Variants in OTOGL observed in about 807,000 individuals in gnomAD.
OTOGL encodes otogelin like.
In OTOGL, 285 loss-of-function variants were observed where a neutral mutation model predicts 318.5. That is an observed-to-expected ratio of 0.89 (90% CI 0.81 to 0.99). OTOGL has a LOEUF of 0.99. OTOGL is among the 50% of genes least tolerant of loss of function. The probability of loss-of-function intolerance (pLI) is 0.00; values close to 1 mark genes in which losing one functional copy is unlikely to be tolerated. For missense variants in OTOGL, 2,899 were observed against 2,845.6 expected (o/e 1.02, Z -0.43); for synonymous variants, 987 against 936.5 (o/e 1.05, Z -0.99).
chr12:80,309,138 C>G (rs903513068), intron 29 of OTOGL, among the ~76,000 whole-genome samples: 4 of 152,154 alleles, frequency 2.6e-5, no homozygotes, highest in Non-Finnish European at 4.4e-5. Context: ...TTAAAAAATT[C>G]ACTAATTTTT....
chr12:80,239,320 T>A lies in OTOGL; in HGVS notation c.946-13T>A. The A allele has an allele frequency of 1.3e-6, 2 of 1,565,584 alleles. No homozygotes were observed. The highest frequency in any genetic ancestry group is 1.7e-6 in the Non-Finnish European group (2 of 1,144,524). On this transcript the variant is annotated splice_polypyrimidine_tract_variant and intron_variant, in intron 10 of 58. Transcript: ENST00000547103. ...GAAACATAGTCTAGTGACTGCCATC[T>A]TTTTTTGCACAGGCAATCTTCTTCA...
intron 26 of OTOGL, among the ~76,000 whole-genome samples, chr12:80,282,017 C>T (rs1296201378): frequency 2.0e-5 from 3 of 151,702 alleles, no homozygotes; most frequent in Non-Finnish European, 4.4e-5. Context: ...TGATGATATG[C>T]TTTGGTAAAC....
chr12:80,278,239 TC>T lies in OTOGL; in HGVS notation c.2754del (p.Ser919GlnfsTer4), dbSNP rs1434684121. ...TGTATTTGGAAAGATTGGGAGTATC[TC>T]TCAGGAGAAGTGATTGCTACACCGT... is the stretch of plus-strand genomic sequence containing the variant. ...CPCIWKDWEY[L>X]SGEVIATPCY... On this transcript the variant is annotated frameshift_variant, in exon 25 of 59. Transcript: ENST00000547103. LOFTEE classifies it high-confidence loss of function. 2 of 1,546,276 alleles carry T rather than the reference TC, an allele frequency of 1.3e-6. No homozygotes were observed. The highest frequency in any genetic ancestry group is 3.9e-5 in the Admixed American group (2 of 50,842).
chr12:80,240,387 A>T (rs566317653), intron 11 of OTOGL, among the ~76,000 whole-genome samples: 1 of 152,266 alleles, frequency 6.6e-6, no homozygotes, highest in South Asian at 2.1e-4. Context: ...CTTTTCAAAA[A>T]CAATGTTTGA....
At chr12:80,239,311 A>T in intron 10 of OTOGL, 22 bp from the exon 11 acceptor site, 1 of 1,516,808 alleles carries the variant, frequency 6.6e-7, no homozygotes, top group Non-Finnish European at 9.1e-7. Context: ...TAGTCTAGTG[A>T]CTGCCATCTT....
chr12:80,359,439 T>C (rs1195536831), intron 52 of OTOGL, among the ~76,000 whole-genome samples: 1 of 152,214 alleles, frequency 6.6e-6, no homozygotes, highest in Non-Finnish European at 1.5e-5. Context: ...TCTTTAACTA[T>C]CTTCATGATA....
chr12:80,248,745 T>C (rs1433177180), intron 11 of OTOGL, among the ~76,000 whole-genome samples: 1 of 148,736 alleles, frequency 6.7e-6, no homozygotes, highest in Non-Finnish European at 1.5e-5. Flanking sequence ...TCCTGGATAA[T>C]ATCCTGCAGA....
chr12:80,126,592 C>T (rs900357023), intron 1 of OTOGL, among the ~76,000 whole-genome samples: 1 of 152,096 alleles, frequency 6.6e-6, no homozygotes, highest in Non-Finnish European at 1.5e-5. Flanking sequence ...TCCTGGGTAT[C>T]CTTGTTAACT....
intron 1 of OTOGL, among the ~76,000 whole-genome samples, chr12:80,114,617 C>T (rs1022173650): frequency 6.6e-6 from 1 of 152,050 alleles, no homozygotes; most frequent in Non-Finnish European, 1.5e-5. Flanking sequence ...CGAGGAGTGT[C>T]TTTGTGGTGT....
intron 9 of OTOGL, among the ~76,000 whole-genome samples, chr12:80,238,544 T>C (rs538323949): frequency 6.6e-6 from 1 of 152,228 alleles, no homozygotes; most frequent in Non-Finnish European, 1.5e-5. Flanking sequence ...TGATTGAACA[T>C]TGGCGATAAA....
At chr12:80,328,993 T>C (rs1322156160) in intron 36 of OTOGL, 58 bp from the exon 37 acceptor site, 3 of 1,440,026 alleles carry the variant, frequency 2.1e-6, no homozygotes, top group Middle Eastern at 1.8e-4. Flanking sequence ...CTATGAAATA[T>C]GTGGGTCTAA....
chr12:80,341,063 T>G (rs374298228), intron 43 of OTOGL, among the ~76,000 whole-genome samples: 60 of 151,952 alleles, frequency 3.9e-4, no homozygotes, highest in Non-Finnish European at 7.4e-4. Flanking sequence ...TTGAAGAAAA[T>G]TTTTATTCAT....
chr12:80,318,703 G>A lies in OTOGL; in HGVS notation c.3792G>A (p.Glu1264=), dbSNP rs754510288. 28 of 1,282,888 alleles carry A rather than the reference G, an allele frequency of 2.2e-5. No homozygotes were observed. Among genetic ancestry groups the A allele is most frequent in the Non-Finnish European group, 5.0e-6 (5 of 999,810 alleles). 79.5% of individuals were successfully genotyped at this position (1,282,888 alleles called of 1,614,324 possible). ...TGATCACTCCAGGCCTTTTCAAAGA[G>A]AAGGTATCATGTAAGTATAATTGAA... ...YFMITPGLFK[E]KVSSLALVSL... is the part of the protein sequence containing the mutation. The change falls in exon 33 of 59, where the codon GAG becomes GAA. Residue 1264 remains glutamate, a synonymous_variant. Transcript: ENST00000547103.
intron 24 of OTOGL, among the ~76,000 whole-genome samples, chr12:80,275,124 A>G (rs903075265): frequency 6.6e-6 from 1 of 152,022 alleles, no homozygotes; most frequent in East Asian, 1.9e-4. Context: ...TCACAGGGCT[A>G]TACCTGCCAT....
intron 19 of OTOGL, among the ~76,000 whole-genome samples, chr12:80,263,382 T>C (rs186262852): frequency 6.6e-6 from 1 of 152,274 alleles, no homozygotes; most frequent in East Asian, 1.9e-4. Flanking sequence ...AGAGTTCAAT[T>C]GATAAATTCA....
chr12:80,208,640 C>T (rs1328540848), intron 1 of OTOGL, among the ~76,000 whole-genome samples: 1 of 152,134 alleles, frequency 6.6e-6, no homozygotes, highest in African/African-American at 2.4e-5. Flanking sequence ...GAATAGTGCC[C>T]CTATTGCTGA....
chr12:80,182,289 C>T (rs560818425), intron 1 of OTOGL, among the ~76,000 whole-genome samples: 12 of 152,262 alleles, frequency 7.9e-5, no homozygotes, highest in Non-Finnish European at 8.8e-5. Context: ...AGGCTTGGTA[C>T]GACTCAGCAA....
intron 6 of OTOGL, 76 bp downstream of exon 6, chr12:80,219,988 G>A (rs1002907774): frequency 7.5e-6 from 8 of 1,068,296 alleles, no homozygotes; most frequent in African/African-American, 3.2e-5. Flanking sequence ...CTATAATAAT[G>A]TTCATCCATT....
intron 8 of OTOGL, 137 bp from the exon 9 acceptor site, chr12:80,232,755 G>C: frequency 2.6e-6 from 2 of 782,050 alleles, no homozygotes; most frequent in East Asian, 5.4e-5. Context: ...GGTTGCTTTG[G>C]AGCTCTTGCT....
Sources: gnomAD v4.1 joint callset for allele counts (sites outside exome capture counted in the v4.1 genomes callset) on GRCh38, gnomAD v4.1.1 for gene constraint, MANE v1.5 for transcripts, NCBI Gene and HGNC (gene_info 2026-07-23, HGNC 2026-07-21) for gene names.